MRPS28: variants seen among roughly 807,000 people sequenced by gnomAD.
MRPS28 encodes small ribosomal subunit protein bS1m.
A neutral mutation model predicts 10.8 loss-of-function variants in MRPS28; 7 were observed. The ratio of observed to expected loss-of-function variants is 0.65; its 90% confidence interval spans 0.37 to 1.22. The LOEUF (loss-of-function observed/expected upper bound fraction) is 1.22. Ranked by LOEUF, MRPS28 falls within the 50% of genes most tolerant of loss-of-function variation. The pLI is 0.02. For missense variants in MRPS28, 265 were observed against 232.9 expected (o/e 1.14, Z -0.90); for synonymous variants, 121 against 93.3 (o/e 1.30, Z -1.71).
At chr8:80,002,247 C>T (rs751000951) in intron 2 of MRPS28, among the ~76,000 whole-genome samples, 13 of 151,896 alleles carry the variant, frequency 8.6e-5, no homozygotes, top group Admixed American at 2.6e-4. Flanking sequence ...GTAATTCATC[C>T]TATCTAAAAT....
At chr8:79,980,397 A>G (rs73255899) in intron 2 of MRPS28, among the ~76,000 whole-genome samples, 1 of 152,376 alleles carries the variant, frequency 6.6e-6, no homozygotes, top group African/African-American at 2.4e-5. Context: ...AATGTTGGCT[A>G]TAATGATTAT....
At chr8:79,959,180 CT>C (rs1807306744) in intron 2 of MRPS28, among the ~76,000 whole-genome samples, 1 of 152,006 alleles carries the variant, frequency 6.6e-6, no homozygotes, top group Non-Finnish European at 1.5e-5. Flanking sequence ...TGCTAACCGA[CT>C]TTAATAATAG....
intron 2 of MRPS28, among the ~76,000 whole-genome samples, chr8:79,990,311 C>T (rs2130118041): frequency 6.6e-6 from 1 of 152,192 alleles, no homozygotes; most frequent in Non-Finnish European, 1.5e-5. Flanking sequence ...TTACCGAGTC[C>T]TATCAGTCTT....
At chr8:79,968,714 T>C (rs1354287912) in intron 2 of MRPS28, among the ~76,000 whole-genome samples, 2 of 149,528 alleles carry the variant, frequency 1.3e-5, no homozygotes, top group African/African-American at 5.0e-5. Context: ...TGAGACTCTG[T>C]CTAAAAAAAA....
At chr8:79,951,119 G>A (rs1387984907) in intron 2 of MRPS28, among the ~76,000 whole-genome samples, 1 of 152,118 alleles carries the variant, frequency 6.6e-6, no homozygotes, top group Non-Finnish European at 1.5e-5. Flanking sequence ...CAGTGCTTGG[G>A]TTTATTAATC....
At chr8:79,984,811 C>A (rs1808102969) in intron 2 of MRPS28, among the ~76,000 whole-genome samples, 1 of 152,160 alleles carries the variant, frequency 6.6e-6, no homozygotes, top group Non-Finnish European at 1.5e-5. Flanking sequence ...CTTAGACTCC[C>A]ACTCAATAAT....
At chr8:79,919,537 C>T (rs147766734) in intron 2 of MRPS28, among the ~76,000 whole-genome samples, 1,642 of 152,176 alleles carry the variant, frequency 0.011, 32 homozygotes, top group African/African-American at 0.038. Flanking sequence ...CTATGTTGCC[C>T]AGGCCAGGCT....
intron 2 of MRPS28, among the ~76,000 whole-genome samples, chr8:79,936,171 T>C (rs963773755): frequency 2.0e-5 from 3 of 151,292 alleles, no homozygotes; most frequent in African/African-American, 7.3e-5. Flanking sequence ...ACACAAAAAA[T>C]TTAAAAATTA....
At chr8:80,014,398 A>G (rs1809141611) in intron 1 of MRPS28, among the ~76,000 whole-genome samples, 1 of 152,186 alleles carries the variant, frequency 6.6e-6, no homozygotes, top group Non-Finnish European at 1.5e-5. Context: ...TGTTTCTATA[A>G]CCTATAGAAG....
At chr8:79,988,036 T>C (rs1442254007) in intron 2 of MRPS28, among the ~76,000 whole-genome samples, 1 of 152,020 alleles carries the variant, frequency 6.6e-6, no homozygotes, top group Non-Finnish European at 1.5e-5. Context: ...TGTCCAACAA[T>C]GATAGACTGA....
At chr8:80,019,918 A>G (rs1281474034) in intron 1 of MRPS28, among the ~76,000 whole-genome samples, 1 of 152,238 alleles carries the variant, frequency 6.6e-6, no homozygotes, top group Non-Finnish European at 1.5e-5. Context: ...GGACACGCCC[A>G]TGACACAGCC....
At chr8:79,942,849 G>C (rs865916574) in intron 2 of MRPS28, among the ~76,000 whole-genome samples, 54 of 152,100 alleles carry the variant, frequency 3.6e-4, no homozygotes, top group African/African-American at 1.1e-3. Context: ...GTTGTCTACA[G>C]ATAAAAGAAA....
chr8:80,030,179 T>G lies in MRPS28; in HGVS notation c.70A>C (p.Arg24=). 6.2e-7 allele frequency: 1 copy of G among 1,614,144 alleles called. No homozygotes were observed. The change falls in exon 1 of 3, where the codon AGG becomes CGG. Residue 24 remains arginine (R), a synonymous_variant. Transcript: ENST00000276585. ...TCAGTGCCTACACCCCGAAAGGGCCTGAAGAAGAGAAACACTCGCAGAAAA... is the reference window on the plus strand; with the variant it reads ...TCAGTGCCTACACCCCGAAAGGGCCGGAAGAAGAGAAACACTCGCAGAAAA... The part of the protein sequence containing the change: ...SHFLRVFLFF[R]PFRGVGTESG...
At chr8:79,988,312 A>T (rs937674221) in intron 2 of MRPS28, among the ~76,000 whole-genome samples, 1 of 151,024 alleles carries the variant, frequency 6.6e-6, no homozygotes, top group African/African-American at 2.4e-5. Flanking sequence ...TAGGAGATAT[A>T]CCTAATGCTA....
intron 2 of MRPS28, among the ~76,000 whole-genome samples, chr8:79,944,283 A>T (rs1806843044): frequency 6.6e-6 from 1 of 152,150 alleles, no homozygotes; most frequent in South Asian, 2.1e-4. Context: ...TGATATGTGG[A>T]AGACTGTTTG....
intron 2 of MRPS28, among the ~76,000 whole-genome samples, chr8:79,921,813 C>T (rs1302491815): frequency 2.0e-5 from 3 of 152,150 alleles, no homozygotes; most frequent in Admixed American, 6.6e-5. Context: ...GAACTTCCAA[C>T]ACTATGTTGA....
intron 2 of MRPS28, among the ~76,000 whole-genome samples, chr8:79,961,396 T>C (rs746507838): frequency 5.3e-5 from 8 of 152,126 alleles, no homozygotes; most frequent in Non-Finnish European, 7.4e-5. Flanking sequence ...CCTGTTAATA[T>C]TGATGCAATT....
At chr8:80,010,264 G>C (rs900967631) in intron 1 of MRPS28, among the ~76,000 whole-genome samples, 5 of 152,202 alleles carry the variant, frequency 3.3e-5, no homozygotes, top group Non-Finnish European at 7.3e-5. Context: ...CTATCTGTGA[G>C]AGCAAATCAT....
intron 2 of MRPS28, among the ~76,000 whole-genome samples, chr8:79,938,666 C>T (rs1210859179): frequency 6.6e-6 from 1 of 152,088 alleles, no homozygotes; most frequent in Non-Finnish European, 1.5e-5. Flanking sequence ...TCTGTTTAGA[C>T]AAGGTTAGAG....
Sources: gnomAD v4.1 joint callset for allele counts (sites outside exome capture counted in the v4.1 genomes callset) on GRCh38, gnomAD v4.1.1 for gene constraint, MANE v1.5 for transcripts, NCBI Gene and HGNC (gene_info 2026-07-23, HGNC 2026-07-21) for gene names.